Variants in ATR observed in about 807,000 individuals in gnomAD.
ATR encodes the protein ATR checkpoint kinase, also known as serine/threonine-protein kinase ATR.
A neutral mutation model predicts 305.3 loss-of-function variants in ATR; 142 were observed. The ratio of observed to expected loss-of-function variants is 0.47; its 90% confidence interval spans 0.41 to 0.53. ATR has a LOEUF of 0.53. Ranked by LOEUF, ATR falls within the 20% of genes least tolerant of loss-of-function variation. ATR has a pLI of 0.00. For synonymous variants in ATR, 1,050 were observed against 1,068.1 expected, an observed-to-expected ratio of 0.98 and a Z score of 0.33; for missense variants, 2,135 against 3,133.1, an observed-to-expected ratio of 0.68 and a Z score of 7.60.
intron 6 of ATR, among the ~76,000 whole-genome samples, chr3:142,559,866 A>T (rs2034813875): frequency 1.3e-5 from 2 of 152,230 alleles, no homozygotes; most frequent in South Asian, 4.1e-4. Flanking sequence ...ACTGTGCACC[A>T]GCCTGGGAGA....
At chr3:142,576,506 T>C (rs542760942) in intron 1 of ATR, among the ~76,000 whole-genome samples, 29 of 152,346 alleles carry the variant, frequency 1.9e-4, no homozygotes, top group African/African-American at 4.8e-4. Context: ...GAATGACTTC[T>C]AGATTTCCAG....
At chr3:142,535,777 T>C (rs993770295) in intron 20 of ATR, among the ~76,000 whole-genome samples, 1 of 152,204 alleles carries the variant, frequency 6.6e-6, no homozygotes, top group Non-Finnish European at 1.5e-5. Flanking sequence ...TCCCACAGCT[T>C]TCCTTTCTTC....
intron 29 of ATR, among the ~76,000 whole-genome samples, chr3:142,504,022 TC>T (rs2032111221): frequency 6.6e-6 from 1 of 152,220 alleles, no homozygotes; most frequent in African/African-American, 2.4e-5. Flanking sequence ...TTATGTACTA[TC>T]CTTTAAAATG....
chr3:142,553,433 A>AACACACACACACAC, intron 12 of ATR, 35 bp from the exon 13 acceptor site: 2 of 1,404,252 alleles, frequency 1.4e-6, no homozygotes, highest in Non-Finnish European at 2.0e-6. Flanking sequence ...TGAATACACA[A>AACACACACACACAC]ACACACACAC....
At chr3:142,576,438 A>G (rs2035440957) in intron 1 of ATR, among the ~76,000 whole-genome samples, 1 of 152,232 alleles carries the variant, frequency 6.6e-6, no homozygotes, top group Non-Finnish European at 1.5e-5. Flanking sequence ...TTGGGAAGAC[A>G]GCACAGATTA....
At chr3:142,543,021 T>A (rs2034113455) in intron 16 of ATR, among the ~76,000 whole-genome samples, 1 of 151,220 alleles carries the variant, frequency 6.6e-6, no homozygotes, top group Admixed American at 6.6e-5. Context: ...AAATGATGAG[T>A]TTTTTAATCA....
chr3:142,558,393 C>A (rs552125018), intron 8 of ATR, among the ~76,000 whole-genome samples: 1 of 151,866 alleles, frequency 6.6e-6, no homozygotes, highest in Non-Finnish European at 1.5e-5. Context: ...TATGGTGGTG[C>A]GCACCTGTAA....
intron 1 of ATR, among the ~76,000 whole-genome samples, chr3:142,572,788 A>C (rs1211744906): frequency 6.6e-6 from 1 of 152,104 alleles, no homozygotes; most frequent in Non-Finnish European, 1.5e-5. Flanking sequence ...AGAAAAGAAA[A>C]AAAAGAACTG....
chr3:142,507,097 G>A (rs1289956970), intron 28 of ATR, among the ~76,000 whole-genome samples: 5 of 152,154 alleles, frequency 3.3e-5, no homozygotes, highest in Admixed American at 6.5e-5. Flanking sequence ...TGGACAAGGA[G>A]GAACACAAAG....
chr3:142,517,758 T>C (rs1004203111), intron 24 of ATR, among the ~76,000 whole-genome samples: 2 of 152,274 alleles, frequency 1.3e-5, no homozygotes, highest in East Asian at 3.9e-4. Flanking sequence ...ACATGACAAG[T>C]AGGCAGAAAT....
chr3:142,541,160 T>C lies in ATR; in HGVS notation c.3451-126A>G, dbSNP rs887611288. The C allele has an allele frequency of 3.4e-5, 42 of 1,252,906 alleles. 1 individual carries two copies. The highest frequency in any genetic ancestry group is 9.0e-5 in the African/African-American group (6 of 66,832). The allele number at this position is 1,252,906 out of a possible 1,614,324, so 77.6% of individuals were successfully genotyped here. ...ATCTATTCTCAGATAATACAAAAGA[T>C]TGAATAAATGTTGGCCAGTTTGTTT... On this transcript the variant is annotated intron_variant, in intron 17 of 46. Transcript: ENST00000350721.
At chr3:142,486,750 T>A (rs961441592) in intron 35 of ATR, among the ~76,000 whole-genome samples, 2 of 151,936 alleles carry the variant, frequency 1.3e-5, no homozygotes, top group Non-Finnish European at 2.9e-5. Context: ...AAATTTATCA[T>A]CCTCATACAA....
At position 142,558,660 on chromosome 3, in the gene ATR, G is replaced by A. The variant is rs2108477321; in HGVS notation, c.1849C>T (p.Leu617Phe). The A allele has an allele frequency of 6.2e-7, 1 of 1,613,394 alleles. No homozygotes were observed. The highest frequency in any genetic ancestry group is 2.2e-5 in the East Asian group (1 of 44,760). ...GAAATCCTACAGCTTAATGTTAGAA[G>A]ATTAGCGGCAAATGTGGTCAACTTT... Reference protein sequence around the residue: ...CLKLTTFAANLLTLSCRISDS... With the variant: ...CLKLTTFAANFLTLSCRISDS... Residue 617 changes from leucine to phenylalanine, a missense_variant, in exon 8 of 47, where the codon CTT (leucine) becomes TTT (phenylalanine). Physicochemically the swap from Leu to Phe is conservative, Grantham distance 22. This residue lies in a region of ATR where 744 missense variants were observed against 873.2 expected (regional missense o/e 0.85). Transcript: ENST00000350721.
intron 21 of ATR, among the ~76,000 whole-genome samples, chr3:142,528,767 G>C (rs571906946): frequency 1.2e-4 from 17 of 144,456 alleles, no homozygotes; most frequent in African/African-American, 3.6e-4. Flanking sequence ...ACTATAATTA[G>C]TGCTTTCTTC....
intron 44 of ATR, among the ~76,000 whole-genome samples, chr3:142,458,322 C>T (rs1328365885): frequency 6.6e-6 from 1 of 152,130 alleles, no homozygotes; most frequent in Middle Eastern, 3.2e-3. Flanking sequence ...TATGGTTTAA[C>T]CCATGCCAGT....
At position 142,496,511 on chromosome 3, in the gene ATR, G is replaced by A. The variant is rs774724881; in HGVS notation, c.5748C>T (p.Tyr1916=). The A allele has an allele frequency of 6.2e-7, 1 of 1,609,170 alleles. No individual in the cohort carries two copies. Among genetic ancestry groups the A allele is most frequent in the Admixed American group, 1.7e-5 (1 of 59,760 alleles). Residue 1916 remains tyrosine (Y), a synonymous_variant, in exon 34 of 47, where the codon TAC becomes TAT. Coordinates refer to ENST00000350721, the MANE Select transcript of ATR (RefSeq NM_001184.4). ...GCCAGCATTCTCCAACCATTTCATT[G>A]TAATCTGGTCTAAAGGAAGTAACAA... The part of the protein sequence containing the change: ...ALLSLNKRPD[Y]NEMVGECWLQ...
At chr3:142,502,066 A>T (rs944791525) in intron 30 of ATR, among the ~76,000 whole-genome samples, 5 of 152,136 alleles carry the variant, frequency 3.3e-5, no homozygotes, top group Admixed American at 6.5e-5. Flanking sequence ...TATTATTAAA[A>T]AGTCAAAAAA....
chr3:142,451,865 C>A (rs1311319511), intron 46 of ATR: 2 of 1,318,490 alleles, frequency 1.5e-6, no homozygotes, highest in Non-Finnish European at 1.0e-6. Context: ...AGAAATGGAG[C>A]GAGCAGAAGT....
rs373534503 is a variant in ATR, at chr3:142,578,695, G to A, written c.10C>T (p.His4Tyr). 8.7e-6 allele frequency: 14 copies of A among 1,613,196 alleles called. No individual in the cohort carries two copies. The highest frequency in any genetic ancestry group is 1.2e-5 in the Non-Finnish European group (14 of 1,179,792). The change falls in exon 1 of 47, where the codon CAT becomes TAT. Residue 4 changes from histidine to tyrosine, a missense_variant. This residue lies in a region of ATR where 744 missense variants were observed against 873.2 expected (regional missense o/e 0.85). Transcript: ENST00000350721. MGE[H>Y]GLELASMIPA... ...ATCATGGAAGCCAGCTCCAGGCCAT[G>A]TTCCCCCATGCTGAGGCTGCGAGGC...
Sources: allele counts gnomAD v4.1 joint callset (sites outside exome capture counted in the v4.1 genomes callset), GRCh38; gene constraint gnomAD v4.1.1; regional missense constraint gnomAD v4.1.1; transcripts MANE v1.5; gene names NCBI Gene and HGNC (gene_info 2026-07-23, HGNC 2026-07-21).